C2orf74: variants seen among roughly 807,000 people sequenced by gnomAD.
C2orf74 encodes the protein uncharacterized protein C2orf74.
Under a neutral mutation model 17.9 loss-of-function variants are expected in C2orf74, and 14 were observed. The observed-to-expected ratio is 0.78, with a 90% CI of 0.52 to 1.22. The LOEUF is 1.22. Ranked by LOEUF, C2orf74 falls within the 50% of genes most tolerant of loss-of-function variation. The pLI is 0.00. For synonymous variants in C2orf74, 79 were observed against 72.6 expected, an observed-to-expected ratio of 1.09 and a Z score of -0.44; for missense variants, 217 against 218.4, an observed-to-expected ratio of 0.99 and a Z score of 0.04.
In C2orf74 at chr2:61,162,892, C is replaced by G. The variant is rs77314294; in HGVS notation, c.146C>G (p.Ala49Gly). 2,222 of 1,552,466 alleles carry G rather than the reference C, an allele frequency of 1.4e-3. 24 individuals are homozygous for G. In the African/African-American group the frequency reaches 0.028, roughly 20 times the overall value. Residue 49 changes from alanine to glycine, a missense_variant, in exon 3 of 5, where the codon GCA becomes GGA. Coordinates refer to ENST00000432605, the MANE Select transcript of C2orf74 (RefSeq NM_001143959.4). ...KETKKVPCTD[A>G]NGGVDCAAAK... ...ACAAAGAAAGTGCCTTGTACAGATG[C>G]AAACGGAGGTGTAGACTGTGCAGCT... is the stretch of plus-strand genomic sequence containing the variant.
At chr2:61,153,626 C>T (rs1362027591) in intron 1 of C2orf74, among the ~76,000 whole-genome samples, 1 of 149,872 alleles carries the variant, frequency 6.7e-6, no homozygotes. Context: ...CGGTGGCTCA[C>T]GCCTGTAATC....
intron 4 of C2orf74, among the ~76,000 whole-genome samples, chr2:61,164,055 C>T (rs950146285): frequency 6.6e-6 from 1 of 152,048 alleles, no homozygotes. Context: ...ACTCACATAC[C>T]CTCCCACCCC....
At chr2:61,147,709 C>G (rs1194658122) in intron 1 of C2orf74, among the ~76,000 whole-genome samples, 1 of 152,048 alleles carries the variant, frequency 6.6e-6, no homozygotes, top group South Asian at 2.1e-4. Flanking sequence ...ATACGTTGAT[C>G]CTTTAAAGAT....
rs1437284566 is a variant in C2orf74, at chr2:61,164,452, G to A, written c.489G>A (p.Glu163=). ...RPLKGVTFSR[E]VIVVDLGNEY... Reference sequence around the variant, plus strand: ...TAAAAGGAGTGACATTTTCTAGGGAGGTAATTGTTGTGGATCTTGGGAATG... The same window carrying A: ...TAAAAGGAGTGACATTTTCTAGGGAAGTAATTGTTGTGGATCTTGGGAATG... Residue 163 remains glutamate (E), a synonymous_variant, in exon 5 of 5, where the codon GAG becomes GAA. Transcript: ENST00000432605. 6.4e-7 allele frequency: 1 copy of A among 1,551,170 alleles called. No homozygotes were observed. The highest frequency in any genetic ancestry group is 1.2e-5 in the South Asian group (1 of 83,974).
In C2orf74 at chr2:61,156,073, C is replaced by T. The variant is rs1685382537; in HGVS notation, c.-121-6769C>T. 2.0e-5 allele frequency among the ~76,000 whole-genome samples: 3 copies of T among 151,910 alleles called. No homozygotes were observed. In the South Asian group the frequency reaches 6.2e-4, roughly 32 times the overall value. On this transcript the variant is annotated intron_variant, in intron 1 of 3. Transcript: ENST00000426997. ...AATTAGCCAGGCATGGTGGCATGTG[C>T]CTGTAGTTCCAGCTACTCAGGAGGC...
At chr2:61,158,976 TTTTGTTG>T (rs1013245046), upstream of C2orf74, among the ~76,000 whole-genome samples, 3 of 131,960 alleles carry the variant, frequency 2.3e-5, no homozygotes, top group Non-Finnish European at 5.0e-5. Context: ...CCAAGTTTTT[TTTTGTTG>T]TTTGTTTGTT....
intron 1 of C2orf74, among the ~76,000 whole-genome samples, chr2:61,153,633 A>C (rs1337882932): frequency 6.7e-6 from 1 of 149,578 alleles, no homozygotes; most frequent in Non-Finnish European, 1.5e-5. Flanking sequence ...TCACGCCTGT[A>C]ATCCCAGCAC....
upstream of C2orf74, chr2:61,157,849 G>T (rs1309706798): frequency 8.5e-6 from 4 of 470,066 alleles, no homozygotes; most frequent in East Asian, 6.9e-5. Flanking sequence ...CCTGGATCAT[G>T]TTTTTGTCAC....
chr2:61,162,466 T>G lies in C2orf74; in HGVS notation c.-49T>G. Reference sequence around the variant, plus strand: ...ATTCAAATTGAGCTGGAAAAGAATATTTGGACAGTCTGTGATTGTGAGAGT... The same window carrying G: ...ATTCAAATTGAGCTGGAAAAGAATAGTTGGACAGTCTGTGATTGTGAGAGT... On this transcript the variant is annotated 5_prime_UTR_variant, in exon 2 of 5. Transcript: ENST00000432605. The G allele has an allele frequency of 7.5e-7, 1 of 1,341,196 alleles. No homozygotes were observed. 83.1% of individuals were successfully genotyped at this position (1,341,196 alleles called of 1,614,324 possible). A position where few individuals can be genotyped will look rare whatever the true frequency, so the allele number is the denominator to read the frequency against.
In C2orf74 at chr2:61,156,839, C is replaced by G. The variant is rs543903177; in HGVS notation, c.-121-6003C>G. On this transcript the variant is annotated intron_variant, in intron 1 of 3. Coordinates refer to the C2orf74 transcript ENST00000426997. The stretch of plus-strand genomic sequence containing the variant: ...GGTGGAGGCTGCAGTGAACCAAGAT[C>G]ATGCCACTACAACCTGGGTGACAAA... 3.3e-5 allele frequency among the ~76,000 whole-genome samples: 5 copies of G among 152,244 alleles called. No homozygotes were observed. In the South Asian group the frequency reaches 1.0e-3, roughly 32 times the overall value.
chr2:61,158,005 G>T (rs1284582811), upstream of C2orf74: 3 of 471,090 alleles, frequency 6.4e-6, no homozygotes, highest in Non-Finnish European at 1.3e-5. Context: ...GAAGTCTGCA[G>T]GCAGGAGGTA....
At chr2:61,156,911 G>A (rs1685408136) in intron 1 of C2orf74, among the ~76,000 whole-genome samples, 2 of 152,084 alleles carry the variant, frequency 1.3e-5, no homozygotes, top group African/African-American at 4.8e-5. Flanking sequence ...AAAGATTCTA[G>A]GTATTTAGTC....
chr2:61,145,561 T>G (rs1465753489), intron 1 of C2orf74, among the ~76,000 whole-genome samples: 2 of 152,060 alleles, frequency 1.3e-5, no homozygotes, highest in African/African-American at 4.8e-5. Context: ...GTAGCTGGAA[T>G]TACAGGCAGG....
chr2:61,156,713 G>A lies in C2orf74; in HGVS notation c.-121-6129G>A, dbSNP rs534513754. Among the ~76,000 whole-genome samples the A allele has an allele frequency of 2.0e-4, 31 of 152,112 alleles. No individual in the cohort carries two copies. In the East Asian group the frequency reaches 3.9e-3, roughly 19 times the overall value. The stretch of plus-strand genomic sequence containing the variant: ...AGCATGGGCAACATGGTGAGACCTC[G>A]TCTCTGCAAAAAAATACAAAAAGTT... On this transcript the variant is annotated intron_variant, in intron 1 of 3. Coordinates refer to the C2orf74 transcript ENST00000426997.
chr2:61,159,651 G>A (rs1315263861), upstream of C2orf74, among the ~76,000 whole-genome samples: 1 of 152,164 alleles, frequency 6.6e-6, no homozygotes, highest in Non-Finnish European at 1.5e-5. Flanking sequence ...CTGAGGTAGG[G>A]GTAGAACATT....
chr2:61,152,982 G>A (rs542021667), intron 1 of C2orf74, among the ~76,000 whole-genome samples: 23 of 148,088 alleles, frequency 1.6e-4, no homozygotes, highest in African/African-American at 2.5e-4. Context: ...GAGAAACCCC[G>A]TCTCTACTAA....
At chr2:61,154,787 G>T (rs550161709) in intron 1 of C2orf74, among the ~76,000 whole-genome samples, 48 of 152,270 alleles carry the variant, frequency 3.2e-4, no homozygotes, top group Non-Finnish European at 5.3e-4. Context: ...GGGCTAGGTG[G>T]CTCATGCCTA....
At chr2:61,150,805 C>A (rs1427600597) in intron 1 of C2orf74, among the ~76,000 whole-genome samples, 1 of 152,158 alleles carries the variant, frequency 6.6e-6, no homozygotes, top group Non-Finnish European at 1.5e-5. Context: ...AGCTAAACAT[C>A]TCAAGATTGG....
upstream of C2orf74, among the ~76,000 whole-genome samples, chr2:61,158,644 C>G (rs934316295): frequency 6.6e-6 from 1 of 152,026 alleles, no homozygotes. Flanking sequence ...ATCTGTCTCC[C>G]CAGTTGATTA....
Sources: gnomAD v4.1 joint callset for allele counts (sites outside exome capture counted in the v4.1 genomes callset) on GRCh38, gnomAD v4.1.1 for gene constraint, MANE v1.5 for transcripts, NCBI Gene and HGNC (gene_info 2026-07-23, HGNC 2026-07-21) for gene names.